The following FRMD4B variants were observed in gnomAD, a reference collection of about 807,000 sequenced individuals.
FRMD4B encodes FERM domain-containing protein 4B.
In FRMD4B, 74 loss-of-function variants were observed where a neutral mutation model predicts 141.5. The ratio of observed to expected loss-of-function variants is 0.52; its 90% CI spans 0.43 to 0.63. FRMD4B has a LOEUF of 0.63. FRMD4B is among the 30% of genes least tolerant of loss of function. The pLI is 0.00. For missense variants in FRMD4B, 1,366 were observed against 1,253.4 expected (o/e 1.09, Z -1.36); for synonymous variants, 506 against 467.9 (o/e 1.08, Z -1.05).
At chr3:69,399,647 G>A (rs1281925735) in intron 2 of FRMD4B, among the ~76,000 whole-genome samples, 3 of 152,072 alleles carry the variant, frequency 2.0e-5, no homozygotes, top group Admixed American at 2.0e-4. Context: ...CTTTATATTT[G>A]TGGCTCTTTA....
intron 5 of FRMD4B, among the ~76,000 whole-genome samples, chr3:69,280,300 C>T (rs143960518): frequency 7.2e-4 from 110 of 152,200 alleles, no homozygotes; most frequent in Middle Eastern, 3.4e-3. Flanking sequence ...CAGGGGCCCT[C>T]GCTTGAACAA....
chr3:69,345,704 T>A (rs1345210403), intron 1 of FRMD4B, among the ~76,000 whole-genome samples: 1 of 152,222 alleles, frequency 6.6e-6, no homozygotes, highest in African/African-American at 2.4e-5. Flanking sequence ...CCTCTGCTGC[T>A]GATACTCAGG....
At chr3:69,384,730 G>C (rs1704206736) in intron 1 of FRMD4B, among the ~76,000 whole-genome samples, 1 of 152,190 alleles carries the variant, frequency 6.6e-6, no homozygotes, top group African/African-American at 2.4e-5. Flanking sequence ...AGGGTGACAA[G>C]GGGACGCTGA....
intron 2 of FRMD4B, among the ~76,000 whole-genome samples, chr3:69,410,085 A>G (rs1056148586): frequency 2.0e-5 from 3 of 152,106 alleles, no homozygotes; most frequent in Admixed American, 1.3e-4. Context: ...AACAAACACA[A>G]TTTCCTAGTG....
At position 69,404,945 on chromosome 3, in the gene FRMD4B, AAG is replaced by A. The variant is rs1375882265; in HGVS notation, c.-1+27687_-1+27688del. On this transcript the variant is annotated intron_variant, in intron 2 of 5. Coordinates refer to the FRMD4B transcript ENST00000459638. The stretch of plus-strand genomic sequence containing the variant: ...GCTTGCAAATAACAGGCAGGAATGA[AAG>A]AGATTAAAAACTTGGTCCAATAGCC... Among the ~76,000 whole-genome samples, 4 of 152,330 alleles carry A rather than the reference AAG, an allele frequency of 2.6e-5. No individual in the cohort carries two copies. The East Asian group carries it at 5.8e-4, about 22-fold the overall frequency.
intron 1 of FRMD4B, among the ~76,000 whole-genome samples, chr3:69,456,733 TAAAAAAAAA>T (rs60484143): frequency 2.3e-5 from 3 of 129,158 alleles, no homozygotes; most frequent in African/African-American, 8.7e-5. Context: ...TCCATTTTTG[TAAAAAAAAA>T]AAAAAAAAGC....
intron 5 of FRMD4B, among the ~76,000 whole-genome samples, chr3:69,254,053 C>T (rs1192733517): frequency 2.0e-5 from 3 of 152,138 alleles, no homozygotes; most frequent in African/African-American, 4.8e-5. Context: ...GCACTTCAAC[C>T]TGGGCAACAG....
At chr3:69,296,262 C>T (rs1321924732) in intron 4 of FRMD4B, among the ~76,000 whole-genome samples, 1 of 151,976 alleles carries the variant, frequency 6.6e-6, no homozygotes, top group Non-Finnish European at 1.5e-5. Context: ...ACAGGCACAC[C>T]CACCAAAAGA....
intron 7 of FRMD4B, among the ~76,000 whole-genome samples, chr3:69,246,073 G>T (rs1170379653): frequency 1.3e-5 from 2 of 152,030 alleles, no homozygotes; most frequent in African/African-American, 4.8e-5. Flanking sequence ...CCGACCTCAG[G>T]TGATCCACCT....
At chr3:69,526,653 A>T (rs1243128564) in intron 1 of FRMD4B, among the ~76,000 whole-genome samples, 1 of 152,166 alleles carries the variant, frequency 6.6e-6, no homozygotes, top group Non-Finnish European at 1.5e-5. Flanking sequence ...AATGAGGCCA[A>T]TTATACCTAC....
chr3:69,351,007 G>A (rs1703128182), intron 1 of FRMD4B, among the ~76,000 whole-genome samples: 1 of 151,748 alleles, frequency 6.6e-6, no homozygotes, highest in Admixed American at 6.6e-5. Context: ...AACCAAATGA[G>A]AAAATAAACC....
chr3:69,273,139 T>A (rs1042402552), intron 5 of FRMD4B, among the ~76,000 whole-genome samples: 1 of 152,232 alleles, frequency 6.6e-6, no homozygotes, highest in Non-Finnish European at 1.5e-5. Flanking sequence ...ATGGTTGGGA[T>A]GGGAGCCTAT....
At chr3:69,433,750 T>A (rs1401616917) in intron 1 of FRMD4B, among the ~76,000 whole-genome samples, 1 of 152,176 alleles carries the variant, frequency 6.6e-6, no homozygotes, top group Non-Finnish European at 1.5e-5. Flanking sequence ...AGGCAATAAT[T>A]TTTAGTACCC....
At chr3:69,277,516 C>CGTT (rs1464461463) in intron 5 of FRMD4B, among the ~76,000 whole-genome samples, 11 of 60,440 alleles carry the variant, frequency 1.8e-4, no homozygotes, top group African/African-American at 7.9e-4. Flanking sequence ...TTTCTTTCTG[C>CGTT]TTTTTTTTTT....
chr3:69,348,617 A>G (rs1703029526), intron 1 of FRMD4B, among the ~76,000 whole-genome samples: 1 of 152,240 alleles, frequency 6.6e-6, no homozygotes, highest in South Asian at 2.1e-4. Context: ...CCAGCAGCAC[A>G]TCAAAGATCT....
intron 1 of FRMD4B, among the ~76,000 whole-genome samples, chr3:69,472,925 C>CTTTTTTTT (rs796453101): frequency 0.014 from 1,312 of 90,674 alleles, 56 homozygotes; most frequent in South Asian, 0.023. Context: ...GTGAGTCTTT[C>CTTTTTTTT]TTTTTTTTTT....
At chr3:69,198,924 A>G in intron 11 of FRMD4B, 150 bp from the exon 12 acceptor site, 1 of 613,486 alleles carries the variant, frequency 1.6e-6, no homozygotes. Flanking sequence ...TTACAAATCA[A>G]CTATGACCTG....
chr3:69,184,442 G>C (rs536811529), intron 19 of FRMD4B, among the ~76,000 whole-genome samples: 1 of 152,058 alleles, frequency 6.6e-6, no homozygotes, highest in Non-Finnish European at 1.5e-5. Context: ...TGACTGCATA[G>C]CATTTTATTG....
chr3:69,434,905 T>C (rs2106844917), intron 1 of FRMD4B, among the ~76,000 whole-genome samples: 1 of 152,270 alleles, frequency 6.6e-6, no homozygotes, highest in East Asian at 1.9e-4. Context: ...AAGTCCAAGA[T>C]CAAGGTGTCA....
Sources: allele counts gnomAD v4.1 joint callset (sites outside exome capture counted in the v4.1 genomes callset), GRCh38; gene constraint gnomAD v4.1.1; transcripts MANE v1.5; gene names NCBI Gene and HGNC (gene_info 2026-07-23, HGNC 2026-07-21).